Variants in BMPR1B observed in about 807,000 individuals in gnomAD.
BMPR1B encodes the protein bone morphogenetic protein receptor type-1B.
Under a neutral mutation model 59.1 loss-of-function variants are expected in BMPR1B, and 12 were observed. That is an observed-to-expected ratio of 0.20 (90% CI 0.13 to 0.33). The LOEUF (loss-of-function observed/expected upper bound fraction) is 0.33, where lower values mean the gene tolerates loss of function less well. BMPR1B is among the 10% of genes least tolerant of loss of function. BMPR1B has a pLI of 1.00. For missense variants in BMPR1B, 550 were observed against 610.9 expected, an observed-to-expected ratio of 0.90 and a Z score of 1.05; for synonymous variants, 237 against 207.3, an observed-to-expected ratio of 1.14 and a Z score of -1.23.
intron 1 of BMPR1B, among the ~76,000 whole-genome samples, chr4:94,850,633 C>G (rs1725531231): frequency 6.6e-6 from 1 of 152,132 alleles, no homozygotes; most frequent in Non-Finnish European, 1.5e-5. Flanking sequence ...TATCCTTCAT[C>G]CTGTGCATGA....
chr4:94,873,886 G>C (rs1171475797), intron 1 of BMPR1B, among the ~76,000 whole-genome samples: 2 of 152,016 alleles, frequency 1.3e-5, no homozygotes. Flanking sequence ...TTTTCATCTT[G>C]GAGACCTGAA....
chr4:94,922,581 AC>A (rs1728745300), intron 2 of BMPR1B, among the ~76,000 whole-genome samples: 1 of 152,058 alleles, frequency 6.6e-6, no homozygotes, highest in Admixed American at 6.6e-5. Context: ...GCATGCGGGA[AC>A]CTTTGATGGT....
chr4:95,008,187 ATCTGTCTC>A (rs1648315565), intron 3 of BMPR1B, among the ~76,000 whole-genome samples: 1 of 152,208 alleles, frequency 6.6e-6, no homozygotes, highest in African/African-American at 2.4e-5. Flanking sequence ...ACTATTGAAT[ATCTGTCTC>A]ATACTGTACG....
At chr4:94,967,802 T>A (rs116440772) in intron 2 of BMPR1B, among the ~76,000 whole-genome samples, 6,500 of 152,214 alleles carry the variant, frequency 0.043, 347 homozygotes, top group African/African-American at 0.12. Context: ...TAACTTTGAT[T>A]TACAAGTGTT....
chr4:95,019,756 A>C (rs924685946), intron 3 of BMPR1B, among the ~76,000 whole-genome samples: 4 of 152,172 alleles, frequency 2.6e-5, no homozygotes, highest in Non-Finnish European at 5.9e-5. Context: ...ATGATAGGAA[A>C]TAGCACTAGG....
intron 3 of BMPR1B, among the ~76,000 whole-genome samples, chr4:95,070,442 A>G (rs191513254): frequency 2.0e-4 from 31 of 152,322 alleles, no homozygotes; most frequent in African/African-American, 6.5e-4. Context: ...AATGCTGAAG[A>G]AAGAGCAGAT....
rs1725779469 is a variant in BMPR1B, at chr4:94,856,907, A to G, written c.-182-18924A>G. ...AGCATAACAGAAGGTAGAAGATATG[A>G]TATTTATGAAACTTCAGCAAAGAGC... On this transcript the variant is annotated intron_variant, in intron 1 of 12. Transcript: ENST00000515059. Among the ~76,000 whole-genome samples, 6 of 152,358 alleles carry G rather than the reference A, an allele frequency of 3.9e-5. No homozygotes were observed. The South Asian group carries it at 1.2e-3, about 32-fold the overall frequency.
chr4:95,042,732 A>G (rs935640321), intron 3 of BMPR1B, among the ~76,000 whole-genome samples: 5 of 152,136 alleles, frequency 3.3e-5, no homozygotes, highest in South Asian at 2.1e-4. Context: ...TCATCATTCT[A>G]TGTTCTATCT....
intron 1 of BMPR1B, among the ~76,000 whole-genome samples, chr4:94,846,143 C>T (rs968009880): frequency 5.3e-5 from 8 of 152,120 alleles, no homozygotes; most frequent in Non-Finnish European, 1.2e-4. Context: ...GAATAGAGAA[C>T]CCAGAAGTAA....
intron 2 of BMPR1B, among the ~76,000 whole-genome samples, chr4:94,961,169 C>T (rs1246860481): frequency 6.6e-6 from 1 of 152,198 alleles, no homozygotes; most frequent in Non-Finnish European, 1.5e-5. Context: ...GACTGATCCA[C>T]TGTCCCTCCC....
chr4:94,820,210 C>T (rs941059603), intron 1 of BMPR1B, among the ~76,000 whole-genome samples: 1 of 152,112 alleles, frequency 6.6e-6, no homozygotes, highest in African/African-American at 2.4e-5. Context: ...GGTGCCAGAC[C>T]TTGAATGTAT....
chr4:95,025,402 A>T (rs1175005514), intron 3 of BMPR1B, among the ~76,000 whole-genome samples: 2 of 152,138 alleles, frequency 1.3e-5, no homozygotes, highest in Non-Finnish European at 2.9e-5. Context: ...AGTGGAGTTA[A>T]TAGACTCACA....
chr4:94,904,585 A>T (rs1278165294), intron 2 of BMPR1B, among the ~76,000 whole-genome samples: 1 of 152,058 alleles, frequency 6.6e-6, no homozygotes, highest in Non-Finnish European at 1.5e-5. Flanking sequence ...GAAATCAAAG[A>T]CTGTAAACCT....
At chr4:94,832,915 A>G (rs537175637) in intron 1 of BMPR1B, among the ~76,000 whole-genome samples, 1 of 152,310 alleles carries the variant, frequency 6.6e-6, no homozygotes, top group East Asian at 1.9e-4. Context: ...CCTTATCTTT[A>G]AAATGCAGGG....
intron 1 of BMPR1B, among the ~76,000 whole-genome samples, chr4:94,823,277 A>T (rs532396277): frequency 6.6e-6 from 1 of 152,342 alleles, no homozygotes; most frequent in East Asian, 1.9e-4. Flanking sequence ...TAAAGCTAGA[A>T]TGGAAGTGGG....
At chr4:95,038,389 A>G (rs1413255596) in intron 3 of BMPR1B, among the ~76,000 whole-genome samples, 1 of 152,100 alleles carries the variant, frequency 6.6e-6, no homozygotes, top group Non-Finnish European at 1.5e-5. Context: ...GCCCAGCCTG[A>G]GTTTCGTCTA....
chr4:94,947,980 A>G (rs1041522132), intron 2 of BMPR1B, among the ~76,000 whole-genome samples: 10 of 152,182 alleles, frequency 6.6e-5, no homozygotes, highest in African/African-American at 2.4e-4. Flanking sequence ...ATTGACTGCT[A>G]TTATGTGTTA....
At chr4:94,842,157 AT>A (rs1257395291) in intron 1 of BMPR1B, among the ~76,000 whole-genome samples, 11 of 152,322 alleles carry the variant, frequency 7.2e-5, no homozygotes, top group African/African-American at 2.2e-4. Flanking sequence ...TGTAATATTA[AT>A]TTTAACTTTA....
At chr4:94,889,210 A>G (rs1398525386) in intron 2 of BMPR1B, among the ~76,000 whole-genome samples, 1 of 152,030 alleles carries the variant, frequency 6.6e-6, no homozygotes, top group Non-Finnish European at 1.5e-5. Context: ...AACTTAATGG[A>G]GTTTTAATAG....
Sources: allele counts gnomAD v4.1 joint callset (sites outside exome capture counted in the v4.1 genomes callset), GRCh38; gene constraint gnomAD v4.1.1; transcripts MANE v1.5; gene names NCBI Gene and HGNC (gene_info 2026-07-23, HGNC 2026-07-21).